CLVS1: variants seen among roughly 807,000 people sequenced by gnomAD.
CLVS1 encodes clavesin-1.
A neutral mutation model predicts 33.1 loss-of-function variants in CLVS1; 10 were observed. That is an observed-to-expected ratio of 0.30 (90% CI 0.19 to 0.51). CLVS1 has a LOEUF of 0.51. Ranked by LOEUF, CLVS1 falls within the 20% of genes least tolerant of loss-of-function variation. The pLI, the probability that CLVS1 is intolerant of heterozygous loss-of-function variation, is 0.97. For missense variants in CLVS1, 343 were observed against 433.4 expected, an observed-to-expected ratio of 0.79 and a Z score of 1.85; for synonymous variants, 163 against 166.1, an observed-to-expected ratio of 0.98 and a Z score of 0.14.
At chr8:61,135,086 A>C (rs1369557195) in intron 2 of CLVS1, among the ~76,000 whole-genome samples, 1 of 151,874 alleles carries the variant, frequency 6.6e-6, no homozygotes, top group Non-Finnish European at 1.5e-5. Flanking sequence ...CCTAAAAAGG[A>C]GATGGAAACA....
chr8:61,403,699 A>C lies in CLVS1; in HGVS notation c.630+26920A>C, dbSNP rs77363884. On this transcript the variant is annotated intron_variant, in intron 3 of 5. Transcript: ENST00000325897. ...AGAGTGAAGACTTCAGGTAAAAATG[A>C]CTGGGGATGGACCCAGGGAGATCAG... Among the ~76,000 whole-genome samples the C allele has an allele frequency of 1.5e-3, 225 of 152,312 alleles. 3 individuals are homozygous for C. The highest frequency in any genetic ancestry group is 2.8e-3 in the Admixed American group (43 of 15,300).
At chr8:61,097,005 C>T (rs1805363273) in intron 1 of CLVS1, among the ~76,000 whole-genome samples, 1 of 152,122 alleles carries the variant, frequency 6.6e-6, no homozygotes, top group African/African-American at 2.4e-5. Context: ...CACCCTCAGA[C>T]ATCAACTTGA....
intron 2 of CLVS1, among the ~76,000 whole-genome samples, chr8:61,150,904 A>G (rs1806519537): frequency 6.6e-6 from 1 of 152,154 alleles, no homozygotes; most frequent in South Asian, 2.1e-4. Flanking sequence ...GCCACAAGCA[A>G]AAAGCTACCT....
At chr8:61,375,910 C>T (rs919329778) in intron 2 of CLVS1, among the ~76,000 whole-genome samples, 6 of 152,158 alleles carry the variant, frequency 3.9e-5, no homozygotes, top group African/African-American at 1.4e-4. Flanking sequence ...GAGGAATACA[C>T]ACAGAACTGG....
intron 1 of CLVS1, among the ~76,000 whole-genome samples, chr8:61,120,075 T>C (rs1387043928): frequency 6.7e-6 from 1 of 148,706 alleles, no homozygotes; most frequent in Non-Finnish European, 1.5e-5. Flanking sequence ...CTCGTTTCTT[T>C]TTATTCTTTT....
At chr8:61,370,218 T>G (rs529093151) in intron 2 of CLVS1, 1 of 152,286 alleles carries the variant, frequency 6.6e-6, no homozygotes, top group African/African-American at 2.4e-5. Context: ...TATTTTTTGT[T>G]TTTATTTCAA....
At chr8:61,281,499 C>A (rs1809670505) in intron 2 of CLVS1, among the ~76,000 whole-genome samples, 1 of 152,154 alleles carries the variant, frequency 6.6e-6, no homozygotes, top group South Asian at 2.1e-4. Flanking sequence ...TAGCCATCTG[C>A]AAAACAAGGA....
At chr8:61,218,296 G>A (rs1023960262) in intron 2 of CLVS1, among the ~76,000 whole-genome samples, 1 of 152,058 alleles carries the variant, frequency 6.6e-6, no homozygotes, top group Non-Finnish European at 1.5e-5. Context: ...TGTGGTGTAT[G>A]TATACCATGG....
rs1411392047 is a variant in CLVS1 at position 61,299,789 on chromosome 8, CTG to C, written c.-37_-36del. 20 of 1,493,172 alleles carry C rather than the reference CTG, an allele frequency of 1.3e-5. No homozygotes were observed. Among genetic ancestry groups the C allele is most frequent in the Non-Finnish European group, 1.7e-5 (19 of 1,088,558 alleles). The allele number at this position is 1,493,172 out of a possible 1,614,324, so 92.5% of individuals were successfully genotyped here. A position where few individuals can be genotyped will look rare whatever the true frequency, so the allele number is the denominator to read the frequency against. ...TCCGGGGCAGCCTGGTAGTAAAACACTGTTGAATGGGCCACAGTTTCAGCAGA... is the reference window on the plus strand; with the variant it reads ...TCCGGGGCAGCCTGGTAGTAAAACACTTGAATGGGCCACAGTTTCAGCAGA... On this transcript the variant is annotated 5_prime_UTR_variant, in exon 2 of 6. Coordinates refer to ENST00000325897, the MANE Select transcript of CLVS1 (RefSeq NM_173519.3).
At chr8:61,297,549 T>G (rs1203704698) in intron 1 of CLVS1, among the ~76,000 whole-genome samples, 3 of 152,100 alleles carry the variant, frequency 2.0e-5, no homozygotes, top group Non-Finnish European at 4.4e-5. Flanking sequence ...AGGAGCAAAT[T>G]CAGGATAAGG....
chr8:61,134,183 T>C (rs1349226982), intron 2 of CLVS1, among the ~76,000 whole-genome samples: 1 of 151,884 alleles, frequency 6.6e-6, no homozygotes, highest in South Asian at 2.1e-4. Flanking sequence ...GAGAAAGAAA[T>C]AGACAGTTTA....
chr8:61,495,725 A>G (rs539067971), intron 5 of CLVS1, among the ~76,000 whole-genome samples: 11 of 152,348 alleles, frequency 7.2e-5, no homozygotes, highest in Non-Finnish European at 1.0e-4. Flanking sequence ...CAGTGCCAGA[A>G]AGGCTAATGC....
intron 2 of CLVS1, among the ~76,000 whole-genome samples, chr8:61,278,790 T>C (rs114545692): frequency 0.012 from 1,838 of 152,244 alleles, 42 homozygotes; most frequent in African/African-American, 0.042. Flanking sequence ...TCAGAAGAGG[T>C]GTTTATCTTG....
intron 2 of CLVS1, among the ~76,000 whole-genome samples, chr8:61,143,893 G>A (rs1806363526): frequency 6.8e-6 from 1 of 147,456 alleles, no homozygotes; most frequent in African/African-American, 2.5e-5. Context: ...GAGAAATATG[G>A]GATTAACCAC....
chr8:61,499,489 C>A lies in CLVS1; in HGVS notation c.1012C>A (p.His338Asn). Reference protein sequence around the residue: ...QSVVEAGTLKHEEKGENENTQ... With the variant: ...QSVVEAGTLKNEEKGENENTQ... ...TGTGGTAGAAGCTGGGACCCTGAAA[C>A]ATGAGGAGAAGGGAGAGAATGAGAA... Residue 338 changes from histidine (H) to asparagine (N), a missense_variant, in exon 6 of 6, where the codon CAT (histidine) becomes AAT (asparagine). Physicochemically the swap from His to Asn is moderately conservative, Grantham distance 68 (BLOSUM62 1). Around this residue, in one of 4 missense-constraint regions of CLVS1, gnomAD observed 86 missense variants for 95.0 expected, o/e 0.91. Transcript: ENST00000325897. 6.2e-7 allele frequency: 1 copy of A among 1,613,690 alleles called. No homozygotes were observed. The highest frequency in any genetic ancestry group is 8.5e-7 in the Non-Finnish European group (1 of 1,179,630).
chr8:61,474,403 T>G (rs1046555638), intron 5 of CLVS1, among the ~76,000 whole-genome samples: 1 of 152,140 alleles, frequency 6.6e-6, no homozygotes, highest in Non-Finnish European at 1.5e-5. Context: ...GTAGGTAGGA[T>G]GTGAGCAGAG....
rs557879181 is a variant in CLVS1 at position 61,260,249 on chromosome 8, C to T, written c.-151-39428C>T. Among the ~76,000 whole-genome samples the T allele has an allele frequency of 9.9e-5, 15 of 152,260 alleles. No individual in the cohort carries two copies. In the South Asian group the frequency reaches 2.5e-3, roughly 25 times the overall value. ...CTTTTTTAAACAGGGATATTAATGG[C>T]CAGAGAGTTAGAGAAAGTGCTCAAG... On this transcript the variant is annotated intron_variant, in intron 2 of 2. Transcript: ENST00000522621.
At chr8:61,165,933 G>A (rs143396865) in intron 2 of CLVS1, among the ~76,000 whole-genome samples, 74 of 151,976 alleles carry the variant, frequency 4.9e-4, no homozygotes, top group African/African-American at 1.5e-3. Context: ...CATGTTATCA[G>A]CCTTTTGTGT....
At chr8:61,483,157 GT>G (rs1242385917) in intron 5 of CLVS1, among the ~76,000 whole-genome samples, 2 of 152,164 alleles carry the variant, frequency 1.3e-5, no homozygotes, top group African/African-American at 4.8e-5. Flanking sequence ...CCAGGAGCTG[GT>G]TTTTTGAAAA....
Sources: gnomAD v4.1 joint callset for allele counts (sites outside exome capture counted in the v4.1 genomes callset) on GRCh38, gnomAD v4.1.1 for gene constraint, gnomAD v4.1.1 regional missense constraint, MANE v1.5 for transcripts, NCBI Gene and HGNC (gene_info 2026-07-23, HGNC 2026-07-21) for gene names.